The following DDX31 variants were observed in gnomAD, a reference collection of about 807,000 sequenced individuals.
The protein encoded by DDX31 is ATP-dependent DNA helicase DDX31.
Under a neutral mutation model 91.3 loss-of-function variants are expected in DDX31, and 70 were observed. The observed-to-expected ratio is 0.77, with a 90% confidence interval of 0.63 to 0.94. The LOEUF is 0.94. Ranked by LOEUF, DDX31 falls within the 40% of genes least tolerant of loss-of-function variation. DDX31 has a pLI of 0.00. For synonymous variants in DDX31, 362 were observed against 350.6 expected, an observed-to-expected ratio of 1.03 and a Z score of -0.36; for missense variants, 902 against 925.0, an observed-to-expected ratio of 0.98 and a Z score of 0.32.
At chr9:132,637,519 A>G (rs1482083543) in intron 14 of DDX31, among the ~76,000 whole-genome samples, 2 of 152,170 alleles carry the variant, frequency 1.3e-5, no homozygotes, top group African/African-American at 4.8e-5. Context: ...TGCTTTTACT[A>G]ACAGGGAGAG....
At chr9:132,612,326 A>G in intron 18 of DDX31, 71 bp from the exon 19 acceptor site, 3 of 1,564,696 alleles carry the variant, frequency 1.9e-6, no homozygotes, top group African/African-American at 1.4e-5. Context: ...GCCCGGCCTA[A>G]TGGTTATCTT....
intron 18 of DDX31, 68 bp downstream of exon 18, chr9:132,618,262 T>C (rs1294438127): frequency 2.9e-6 from 4 of 1,362,064 alleles, no homozygotes; most frequent in South Asian, 1.4e-5. Flanking sequence ...TGGGGGTATG[T>C]GGGTGAAGGT....
At chr9:132,668,082 T>C (rs114580226) in intron 1 of DDX31, among the ~76,000 whole-genome samples, 1,940 of 152,276 alleles carry the variant, frequency 0.013, 41 homozygotes, top group African/African-American at 0.037. Flanking sequence ...CCAGTGGCTC[T>C]TCTATCCTTC....
At chr9:132,638,835 G>C (rs1159909641) in intron 14 of DDX31, among the ~76,000 whole-genome samples, 1 of 152,194 alleles carries the variant, frequency 6.6e-6, no homozygotes, top group East Asian at 1.9e-4. Context: ...GCGTAATTGT[G>C]AACTTCTGTG....
intron 1 of DDX31, among the ~76,000 whole-genome samples, chr9:132,664,202 G>C (rs1168424437): frequency 6.6e-6 from 1 of 152,198 alleles, no homozygotes; most frequent in Non-Finnish European, 1.5e-5. Flanking sequence ...CAGCAACACA[G>C]AACAAGCTTA....
Position 132,658,709 on chromosome 9 carries a change from C to T in DDX31, c.550G>A (p.Val184Met). The T allele has an allele frequency of 1.9e-6, 3 of 1,613,808 alleles. No homozygotes were observed. The highest frequency in any genetic ancestry group is 1.1e-5 in the South Asian group (1 of 91,018). The change falls in exon 6 of 20, where the codon GTG becomes ATG. Residue 184 changes from valine to methionine, a missense_variant. Transcript: ENST00000372159. ...TCCATTGCTTGAAGGGACTGGACCA[C>T]AGGGATGCAATAGGCAAGAGTTTTA... ...SGKTLAYCIP[V>M]VQSLQAMESK...
At chr9:132,620,659 A>G (rs190266891) in intron 17 of DDX31, among the ~76,000 whole-genome samples, 27 of 152,288 alleles carry the variant, frequency 1.8e-4, no homozygotes, top group Admixed American at 1.7e-3. Flanking sequence ...GCCCCTCTTG[A>G]GAATGAATGA....
intron 13 of DDX31, among the ~76,000 whole-genome samples, chr9:132,643,396 A>G (rs1833619665): frequency 6.6e-6 from 1 of 152,242 alleles, no homozygotes; most frequent in African/African-American, 2.4e-5. Flanking sequence ...GGAAAAAAGT[A>G]AAGTCTCTGC....
chr9:132,653,362 C>T (rs1429738775), intron 6 of DDX31, among the ~76,000 whole-genome samples: 4 of 151,378 alleles, frequency 2.6e-5, no homozygotes, highest in Non-Finnish European at 4.4e-5. Context: ...GGCATGGTGG[C>T]GGGCGCCTGT....
chr9:132,610,755 G>GACA (rs1831279511), intron 19 of DDX31, among the ~76,000 whole-genome samples: 3 of 152,040 alleles, frequency 2.0e-5, no homozygotes, highest in Non-Finnish European at 4.4e-5. Context: ...GGAATCACCT[G>GACA]ATTTTGATTC....
At chr9:132,638,491 T>C in intron 14 of DDX31, 1 of 1,321,884 alleles carries the variant, frequency 7.6e-7, no homozygotes, top group East Asian at 2.4e-5. Flanking sequence ...TCATCCCTAC[T>C]TCCTACTTAA....
At chr9:132,623,951 G>C (rs1034431887) in intron 17 of DDX31, among the ~76,000 whole-genome samples, 1 of 151,948 alleles carries the variant, frequency 6.6e-6, no homozygotes, top group Non-Finnish European at 1.5e-5. Flanking sequence ...TGAATCATGG[G>C]GTCAGGAGTT....
At chr9:132,603,418 C>T (rs1456342356) in intron 19 of DDX31, among the ~76,000 whole-genome samples, 1 of 152,114 alleles carries the variant, frequency 6.6e-6, no homozygotes, top group Non-Finnish European at 1.5e-5. Context: ...GGGATACACA[C>T]CTTCCTGTTG....
chr9:132,619,792 C>G (rs551373395), intron 17 of DDX31, among the ~76,000 whole-genome samples: 1 of 150,984 alleles, frequency 6.6e-6, no homozygotes, highest in Admixed American at 6.6e-5. Flanking sequence ...TTTTTTTTTA[C>G]CCTCTTAACT....
chr9:132,664,725 A>AAC (rs1299609794), intron 1 of DDX31, among the ~76,000 whole-genome samples: 1 of 151,476 alleles, frequency 6.6e-6, no homozygotes, highest in East Asian at 1.9e-4. Context: ...TCAAAAAAAA[A>AAC]AAAAAAAAAA....
At chr9:132,623,551 C>CAAA (rs34868804) in intron 17 of DDX31, among the ~76,000 whole-genome samples, 17 of 66,698 alleles carry the variant, frequency 2.5e-4, no homozygotes, top group South Asian at 1.8e-3. Context: ...GACTCCATCT[C>CAAA]AAAAAAAAAA....
rs796833104 is a variant in DDX31, at chr9:132,603,926, G to A, written c.1994+8161C>T. ...GGGGAGGAGGGTGCGTTTGTTCCAC[G>A]AGGAAGCAGAAAGCTGGTAATTGCA... On this transcript the variant is annotated intron_variant, in intron 19 of 19. Coordinates refer to ENST00000372159, the MANE Select transcript of DDX31 (RefSeq NM_022779.9). Among the ~76,000 whole-genome samples the A allele has an allele frequency of 3.3e-4, 51 of 152,264 alleles. 1 individual carries two copies. The highest frequency in any genetic ancestry group is 1.0e-3 in the African/African-American group (43 of 41,538).
At chr9:132,630,489 G>A (rs1420167032) in intron 15 of DDX31, 86 bp from the exon 16 acceptor site, 9 of 1,329,054 alleles carry the variant, frequency 6.8e-6, no homozygotes, top group Middle Eastern at 2.3e-4. Context: ...CTGCCTCCAG[G>A]TATCCCAAGA....
At chr9:132,607,983 T>C (rs1831117300) in intron 19 of DDX31, among the ~76,000 whole-genome samples, 1 of 152,224 alleles carries the variant, frequency 6.6e-6, no homozygotes, top group Admixed American at 6.5e-5. Context: ...GATAGACACC[T>C]GGCAAACAAC....
Sources: gnomAD v4.1 joint callset for allele counts (sites outside exome capture counted in the v4.1 genomes callset) on GRCh38, gnomAD v4.1.1 for gene constraint, MANE v1.5 for transcripts, NCBI Gene and HGNC (gene_info 2026-07-23, HGNC 2026-07-21) for gene names.